SNCAIP: variants seen among roughly 807,000 people sequenced by gnomAD.
SNCAIP encodes the protein synuclein alpha interacting protein, also known as synphilin-1.
In SNCAIP, 43 loss-of-function variants were observed where a neutral mutation model predicts 86.7. The ratio of observed to expected loss-of-function variants is 0.50; its 90% CI spans 0.39 to 0.64. SNCAIP has a LOEUF of 0.64. SNCAIP is among the 30% of genes least tolerant of loss of function. The pLI is 0.00. For synonymous variants in SNCAIP, 417 were observed against 427.2 expected, an observed-to-expected ratio of 0.98 and a Z score of 0.29; for missense variants, 981 against 1,103.1, an observed-to-expected ratio of 0.89 and a Z score of 1.57.
At chr5:122,452,913 G>T (rs1581404478) in intron 10 of SNCAIP, 1 of 1,531,840 alleles carries the variant, frequency 6.5e-7, no homozygotes, top group Non-Finnish European at 8.8e-7. Flanking sequence ...ATTTTTAATT[G>T]CACCTCTCTA....
intron 4 of SNCAIP, among the ~76,000 whole-genome samples, chr5:122,424,553 T>G (rs1313483117): frequency 6.6e-6 from 1 of 152,248 alleles, no homozygotes; most frequent in Non-Finnish European, 1.5e-5. Flanking sequence ...ACAATGTACT[T>G]GCTCTATTAT....
In SNCAIP at chr5:122,330,117, C is replaced by CTTT. The variant is rs1212303157; in HGVS notation, c.-47+17853_-47+17855dup. Reference sequence around the variant, plus strand: ...CTTACCTCCGTGTACAACTTCATTTCTTTTTTTTTTTTTTTTTTTTTTGAG... The same window carrying CTTT: ...CTTACCTCCGTGTACAACTTCATTTCTTTTTTTTTTTTTTTTTTTTTTTTTGAG... On this transcript the variant is annotated intron_variant, in intron 1 of 10. Transcript: ENST00000261368. 1.2e-3 allele frequency among the ~76,000 whole-genome samples: 117 copies of CTTT among 96,804 alleles called. 1 individual carries two copies. The highest frequency in any genetic ancestry group is 1.7e-3 in the Non-Finnish European group (81 of 48,418). 63.5% of individuals were successfully genotyped at this position (96,804 alleles called of 152,430 possible). A position where few individuals can be genotyped will look rare whatever the true frequency, so the allele number is the denominator to read the frequency against.
chr5:122,390,021 T>G (rs537366999), intron 1 of SNCAIP, among the ~76,000 whole-genome samples: 33 of 152,298 alleles, frequency 2.2e-4, no homozygotes, highest in Non-Finnish European at 4.4e-4. Context: ...TTTCAGTCTT[T>G]TATCGGGAGG....
chr5:122,443,402 A>T (rs557104031), intron 7 of SNCAIP, among the ~76,000 whole-genome samples: 12 of 152,304 alleles, frequency 7.9e-5, no homozygotes, highest in Admixed American at 1.3e-4. Flanking sequence ...GGATTTTTTT[A>T]AATTATTAAT....
chr5:122,446,751 A>G (rs1054343907), intron 8 of SNCAIP, among the ~76,000 whole-genome samples: 4 of 152,226 alleles, frequency 2.6e-5, no homozygotes, highest in African/African-American at 9.6e-5. Context: ...CCAGACACCA[A>G]TAACATAGAC....
intron 1 of SNCAIP, among the ~76,000 whole-genome samples, chr5:122,339,588 A>T (rs1757156994): frequency 6.6e-6 from 1 of 152,148 alleles, no homozygotes; most frequent in South Asian, 2.1e-4. Flanking sequence ...CACCTTCCTT[A>T]TTCACACTTA....
intron 1 of SNCAIP, among the ~76,000 whole-genome samples, chr5:122,362,993 ATTTTTTTT>A (rs769726232): frequency 8.8e-6 from 1 of 113,950 alleles, no homozygotes; most frequent in Non-Finnish European, 1.9e-5. Context: ...CATAAATTCT[ATTTTTTTT>A]TTTTTTTTTT....
intron 3 of SNCAIP, among the ~76,000 whole-genome samples, chr5:122,418,253 G>A (rs1775695049): frequency 6.6e-6 from 1 of 152,188 alleles, no homozygotes. Context: ...TACATACCAT[G>A]CTAAAGAATT....
intron 1 of SNCAIP, among the ~76,000 whole-genome samples, chr5:122,351,603 T>TTGTG (rs1037507830): frequency 6.0e-5 from 9 of 150,374 alleles, no homozygotes; most frequent in African/African-American, 2.2e-4. Context: ...TCTGTAGTGG[T>TTGTG]TGTGTACATA....
intron 1 of SNCAIP, among the ~76,000 whole-genome samples, chr5:122,377,255 G>A (rs1199972254): frequency 6.6e-6 from 1 of 152,132 alleles, no homozygotes; most frequent in Non-Finnish European, 1.5e-5. Flanking sequence ...CTGTCTTGGT[G>A]TATTCCAGAT....
chr5:122,423,210 A>G lies in SNCAIP; in HGVS notation c.473A>G (p.Tyr158Cys). ...ATGGATGAGATTCTGGATGTGCCTT[A>G]TATTAAATCCAGTCAGCAGCTTGCC... is the stretch of plus-strand genomic sequence containing the variant. ...LDMDEILDVPYIKSSQQLASF... is the reference protein window; with the variant it reads ...LDMDEILDVPCIKSSQQLASF... The change falls in exon 4 of 11, where the codon TAT (tyrosine) becomes TGT (cysteine). Residue 158 changes from tyrosine to cysteine, a missense_variant. Transcript: ENST00000261368. 1 of 1,614,174 alleles carries G rather than the reference A, an allele frequency of 6.2e-7. No individual in the cohort carries two copies. Among genetic ancestry groups the G allele is most frequent in the Non-Finnish European group, 8.5e-7 (1 of 1,180,014 alleles).
chr5:122,456,967 T>C (rs932911872), intron 10 of SNCAIP, among the ~76,000 whole-genome samples: 12 of 152,196 alleles, frequency 7.9e-5, no homozygotes, highest in African/African-American at 2.9e-4. Flanking sequence ...GAGTTTTTGC[T>C]CAGAAACTGT....
At chr5:122,363,372 T>G (rs6595362) in intron 1 of SNCAIP, among the ~76,000 whole-genome samples, 121,963 of 152,084 alleles carry the variant, frequency 0.8, 49,677 homozygotes, top group Non-Finnish European at 0.87. Flanking sequence ...GTTGTCTTTC[T>G]TGCCTGTTCT....
chr5:122,367,680 C>T (rs1763456129), intron 1 of SNCAIP, among the ~76,000 whole-genome samples: 1 of 152,006 alleles, frequency 6.6e-6, no homozygotes, highest in African/African-American at 2.4e-5. Context: ...TTCAGAATTC[C>T]AGTCTTGGCA....
intron 3 of SNCAIP, among the ~76,000 whole-genome samples, chr5:122,421,306 A>G (rs971920467): frequency 3.9e-5 from 6 of 152,196 alleles, no homozygotes; most frequent in African/African-American, 1.4e-4. Context: ...ACTGTGGTCA[A>G]TTTCAGGGAA....
intron 2 of SNCAIP, among the ~76,000 whole-genome samples, chr5:122,403,592 C>G (rs2152874388): frequency 6.6e-6 from 1 of 152,222 alleles, no homozygotes; most frequent in Non-Finnish European, 1.5e-5. Flanking sequence ...TTTTAAACTG[C>G]ATGTGGTTAG....
At chr5:122,412,450 T>C (rs774574317) in intron 3 of SNCAIP, among the ~76,000 whole-genome samples, 2 of 152,232 alleles carry the variant, frequency 1.3e-5, no homozygotes, top group Non-Finnish European at 2.9e-5. Flanking sequence ...CCCTCCTTTC[T>C]GGAAACGGTC....
chr5:122,314,731 GC>G (rs2152642814), intron 1 of SNCAIP, among the ~76,000 whole-genome samples: 1 of 152,238 alleles, frequency 6.6e-6, no homozygotes, highest in East Asian at 1.9e-4. Flanking sequence ...TTTATGGTTT[GC>G]ATCTTAGCGG....
rs1458100486 is a variant in SNCAIP, at chr5:122,449,892, T to C, written c.1640T>C (p.Leu547Pro). 1 of 1,614,060 alleles carries C rather than the reference T, an allele frequency of 6.2e-7. No individual in the cohort carries two copies. ...CTGCAGAACCAACTCCAACAATTTC[T>C]AGAAGCCCAGAAATCAGAGGGCAAG... Reference protein sequence around the residue: ...VTLQNQLQQFLEAQKSEGKSL... With the variant: ...VTLQNQLQQFPEAQKSEGKSL... Residue 547 changes from leucine to proline, a missense_variant, in exon 9 of 11, where the codon CTA becomes CCA. Coordinates refer to ENST00000261368, the MANE Select transcript of SNCAIP (RefSeq NM_005460.4).
Sources: gnomAD v4.1 joint callset for allele counts (sites outside exome capture counted in the v4.1 genomes callset) on GRCh38, gnomAD v4.1.1 for gene constraint, MANE v1.5 for transcripts, NCBI Gene and HGNC (gene_info 2026-07-23, HGNC 2026-07-21) for gene names.